EZH1: variants seen among roughly 807,000 people sequenced by gnomAD.
EZH1 encodes the protein histone-lysine N-methyltransferase EZH1.
EZH1 carries 33 observed loss-of-function variants against 100.5 expected under a neutral mutation model. The observed-to-expected ratio is 0.33, with a 90% CI of 0.25 to 0.44. The LOEUF is 0.44. Among genes scored for constraint, EZH1 ranks in the 20% least tolerant of loss-of-function variants. EZH1 has a pLI of 1.00. For missense variants in EZH1, 475 were observed against 928.4 expected (o/e 0.51, Z 6.35); for synonymous variants, 272 against 313.8 (o/e 0.87, Z 1.41).
chr17:42,729,001 G>C, intron 2 of EZH1, 49 bp from the exon 3 acceptor site: 1 of 1,458,214 alleles, frequency 6.9e-7, no homozygotes, highest in Non-Finnish European at 9.2e-7. Flanking sequence ...TGGAAATAAA[G>C]CATTCCTCAA....
Position 42,708,059 on chromosome 17 carries a change from T to C in EZH1, c.1559A>G (p.Asn520Ser). The part of the protein sequence containing the change: ...KKDNSSTQVY[N>S]YQPCDHPDRP... ...GTCTGGGTGGTCGCAGGGTTGGTAG[T>C]TGTACACTTGTGTGGAAGAGTTATC... Residue 520 changes from asparagine to serine, a missense_variant, in exon 15 of 21, where the codon AAC (asparagine) becomes AGC (serine). By Grantham distance (46) the Asn-to-Ser change is conservative (BLOSUM62 1). This residue lies in a region of EZH1 where 83 missense variants were observed against 142.1 expected (regional missense o/e 0.58). Coordinates refer to ENST00000428826, the MANE Select transcript of EZH1 (RefSeq NM_001991.5). 1.2e-6 allele frequency: 2 copies of C among 1,606,426 alleles called. No homozygotes were observed. Among genetic ancestry groups the C allele is most frequent in the Non-Finnish European group, 1.7e-6 (2 of 1,177,128 alleles).
Position 42,703,838 on chromosome 17 carries a change from A to G in EZH1, c.2018-18T>C, listed in dbSNP as rs766529669. The G allele has an allele frequency of 3.8e-6, 6 of 1,588,206 alleles. No homozygotes were observed. Among genetic ancestry groups the G allele is most frequent in the Non-Finnish European group, 5.2e-6 (6 of 1,156,970 alleles). On this transcript the variant is annotated intron_variant, in intron 18 of 20. Coordinates refer to ENST00000428826, the MANE Select transcript of EZH1 (RefSeq NM_001991.5). The stretch of plus-strand genomic sequence containing the variant: ...TACAAAATCTGTATAAAGTAAATCA[A>G]GGAAAACCATAAGCACAGCAGGCAA...
chr17:42,708,494 A>T (rs113015952), intron 14 of EZH1, among the ~76,000 whole-genome samples: 1 of 152,104 alleles, frequency 6.6e-6, no homozygotes, highest in Non-Finnish European at 1.5e-5. Context: ...GTCTCTACTA[A>T]AAATACAAAA....
At chr17:42,733,113 A>G (rs922273039) in intron 1 of EZH1, among the ~76,000 whole-genome samples, 2 of 151,642 alleles carry the variant, frequency 1.3e-5, no homozygotes, top group Non-Finnish European at 2.9e-5. Flanking sequence ...CGAGGCGGGC[A>G]GATCACCTGA....
intron 3 of EZH1, among the ~76,000 whole-genome samples, chr17:42,728,537 C>T (rs1405235496): frequency 1.3e-5 from 2 of 149,922 alleles, no homozygotes; most frequent in Non-Finnish European, 3.0e-5. Flanking sequence ...GTCAGGAGAT[C>T]GAGACCATCC....
intron 5 of EZH1, among the ~76,000 whole-genome samples, chr17:42,723,644 G>A (rs1023126771): frequency 2.0e-5 from 3 of 152,124 alleles, no homozygotes; most frequent in African/African-American, 7.2e-5. Flanking sequence ...TGGGGGAGTG[G>A]GGTGCTCAGC....
intron 19 of EZH1, chr17:42,703,417 A>T: frequency 3.0e-6 from 1 of 329,064 alleles, no homozygotes; most frequent in Non-Finnish European, 5.7e-6. Flanking sequence ...GCCTCAAGTG[A>T]TCCACCTGCC....
intron 1 of EZH1, 71 bp downstream of exon 1, chr17:42,744,940 C>A (rs758919718): frequency 2.2e-4 from 275 of 1,247,800 alleles, no homozygotes; most frequent in Non-Finnish European, 2.8e-4. Flanking sequence ...CCTCTCCCTC[C>A]CTCAGGCCCA....
At chr17:42,722,648 T>C (rs1413652746) in intron 6 of EZH1, 147 bp downstream of exon 6, 1 of 621,858 alleles carries the variant, frequency 1.6e-6, no homozygotes, top group African/African-American at 2.1e-5. Context: ...AAAAAAAAAT[T>C]AACTCCCAGC....
At chr17:42,713,563 T>TA (rs2053532252) in intron 10 of EZH1, among the ~76,000 whole-genome samples, 174 bp from the exon 11 acceptor site, 1 of 152,200 alleles carries the variant, frequency 6.6e-6, no homozygotes, top group African/African-American at 2.4e-5. Flanking sequence ...TAACAAAACT[T>TA]ACGTACTTTT....
chr17:42,704,649 T>G lies in EZH1; in HGVS notation c.1970A>C (p.Lys657Thr), dbSNP rs2053313351. The change falls in exon 18 of 21, where the codon AAG (lysine) becomes ACG (threonine). Residue 657 changes from lysine (K) to threonine (T), a missense_variant. Lys to Thr is a moderately conservative substitution (Grantham distance 78). Transcript: ENST00000428826. ...GCTGGACATGTATTTGTCATAGACC[T>G]TTCCGCGTCGATCAGCCTCATCCTG... Reference protein sequence around the residue: ...ISQDEADRRGKVYDKYMSSFL... With the variant: ...ISQDEADRRGTVYDKYMSSFL... 1 of 1,613,944 alleles carries G rather than the reference T, an allele frequency of 6.2e-7. No homozygotes were observed. The highest frequency in any genetic ancestry group is 8.5e-7 in the Non-Finnish European group (1 of 1,179,996).
chr17:42,726,568 A>G (rs1448596336), intron 4 of EZH1, among the ~76,000 whole-genome samples: 2 of 151,234 alleles, frequency 1.3e-5, no homozygotes, highest in African/African-American at 4.9e-5. Flanking sequence ...CTGAAGTACA[A>G]TGGTGCCATC....
rs1189327640 is a variant in EZH1, at chr17:42,722,362, C to T, written c.487+433G>A. Among the ~76,000 whole-genome samples, 6 of 151,574 alleles carry T rather than the reference C, an allele frequency of 4.0e-5. No homozygotes were observed. In the South Asian group the frequency reaches 6.2e-4, roughly 16 times the overall value. ...AAATTGGGCTAGGCATGGTGGCTCA[C>T]GCCTATAATCCCAGCACTTTAGGAG... On this transcript the variant is annotated intron_variant, in intron 6 of 20. Transcript: ENST00000428826.
At chr17:42,734,838 C>T (rs1323271687) in intron 1 of EZH1, among the ~76,000 whole-genome samples, 1 of 151,132 alleles carries the variant, frequency 6.6e-6, no homozygotes, top group Non-Finnish European at 1.5e-5. Flanking sequence ...ACTAAAAACA[C>T]AAAAATTAGC....
At chr17:42,737,629 T>A (rs1383517432) in intron 1 of EZH1, among the ~76,000 whole-genome samples, 1 of 151,984 alleles carries the variant, frequency 6.6e-6, no homozygotes, top group Non-Finnish European at 1.5e-5. Context: ...ACAAACAAAC[T>A]ATTCTTTCTT....
At chr17:42,729,235 CAT>C in intron 2 of EZH1, 1 of 270,582 alleles carries the variant, frequency 3.7e-6, no homozygotes, top group Admixed American at 5.2e-5. Flanking sequence ...GGTGAAACCC[CAT>C]CTCTACAGAA....
intron 3 of EZH1, 80 bp from the exon 4 acceptor site, chr17:42,727,843 T>C: frequency 1.9e-6 from 2 of 1,052,040 alleles, no homozygotes; most frequent in Non-Finnish European, 2.4e-6. Context: ...AGATGGAGTC[T>C]TGCTCTGTTG....
intron 1 of EZH1, among the ~76,000 whole-genome samples, chr17:42,732,982 C>G (rs1221496790): frequency 1.4e-5 from 2 of 146,092 alleles, no homozygotes; most frequent in Admixed American, 7.0e-5. Context: ...AATTTCAACA[C>G]TTTGGGACTC....
chr17:42,702,704 A>G, intron 20 of EZH1, 112 bp from the exon 21 acceptor site: 3 of 1,303,780 alleles, frequency 2.3e-6, no homozygotes, highest in East Asian at 2.3e-5. Flanking sequence ...GCTGTTTACA[A>G]TGGTCCCACT....
Sources: allele counts gnomAD v4.1 joint callset (sites outside exome capture counted in the v4.1 genomes callset), GRCh38; gene constraint gnomAD v4.1.1; regional missense constraint gnomAD v4.1.1; transcripts MANE v1.5; gene names NCBI Gene and HGNC (gene_info 2026-07-23, HGNC 2026-07-21).